Variants in TRAM2 observed in about 807,000 individuals in gnomAD.
The protein encoded by TRAM2 is translocating chain-associated membrane protein 2.
A neutral mutation model predicts 51.0 loss-of-function variants in TRAM2; 12 were observed. The ratio of observed to expected loss-of-function variants is 0.24; its 90% CI spans 0.15 to 0.38. The LOEUF (loss-of-function observed/expected upper bound fraction) is 0.38, where lower values mean the gene tolerates loss of function less well. Ranked by LOEUF, TRAM2 falls within the 10% of genes least tolerant of loss-of-function variation. The pLI is 1.00. For missense variants in TRAM2, 361 were observed against 462.0 expected, an observed-to-expected ratio of 0.78 and a Z score of 2.00; for synonymous variants, 175 against 179.4, an observed-to-expected ratio of 0.98 and a Z score of 0.20.
intron 1 of TRAM2, among the ~76,000 whole-genome samples, chr6:52,563,312 A>G (rs1767530063): frequency 6.6e-6 from 1 of 152,240 alleles, no homozygotes; most frequent in South Asian, 2.1e-4. Flanking sequence ...TTCATTTTGT[A>G]TAGGAAAGGA....
Position 52,501,287 on chromosome 6 carries a change from G to A in TRAM2, c.*1910C>T, listed in dbSNP as rs1051931972. The A allele has an allele frequency of 6.6e-6, 1 of 152,204 alleles. No individual in the cohort carries two copies. Among genetic ancestry groups the A allele is most frequent in the African/African-American group, 2.4e-5 (1 of 41,448 alleles). The allele number at this position is 152,204 out of a possible 1,614,324, so 9.4% of individuals were successfully genotyped here. A position where few individuals can be genotyped will look rare whatever the true frequency, so the allele number is the denominator to read the frequency against. On this transcript the variant is annotated 3_prime_UTR_variant, in exon 11 of 11. Coordinates refer to ENST00000182527, the MANE Select transcript of TRAM2 (RefSeq NM_012288.4). ...CATTTCTGCAACCTTATCGTAGAGA[G>A]GGATGAAGGCCTCCAATGGCGTTAG...
At chr6:52,548,764 T>C (rs773391297) in intron 1 of TRAM2, among the ~76,000 whole-genome samples, 1 of 152,234 alleles carries the variant, frequency 6.6e-6, no homozygotes, top group Non-Finnish European at 1.5e-5. Context: ...AAAGGGTTCA[T>C]TTTAAGACAA....
chr6:52,546,442 C>T (rs929355831), intron 1 of TRAM2, among the ~76,000 whole-genome samples: 5 of 152,008 alleles, frequency 3.3e-5, no homozygotes, highest in African/African-American at 7.3e-5. Flanking sequence ...GGGCTGGAGA[C>T]GGGAGGTGAG....
At chr6:52,529,314 G>C (rs1766842780) in intron 2 of TRAM2, among the ~76,000 whole-genome samples, 1 of 152,172 alleles carries the variant, frequency 6.6e-6, no homozygotes, top group African/African-American at 2.4e-5. Flanking sequence ...ACAAAAACTA[G>C]AAAAGGACAG....
intron 1 of TRAM2, among the ~76,000 whole-genome samples, chr6:52,543,552 G>T (rs1267612157): frequency 6.6e-6 from 1 of 152,154 alleles, no homozygotes; most frequent in Admixed American, 6.5e-5. Flanking sequence ...AAAAAGAAAG[G>T]ATTATGGAGT....
chr6:52,563,289 A>G (rs1767529772), intron 1 of TRAM2, among the ~76,000 whole-genome samples: 1 of 152,252 alleles, frequency 6.6e-6, no homozygotes, highest in African/African-American at 2.4e-5. Flanking sequence ...GTGCAAAAGT[A>G]TAAATAATAC....
chr6:52,521,353 G>T (rs538967448), intron 2 of TRAM2, among the ~76,000 whole-genome samples: 29 of 151,872 alleles, frequency 1.9e-4, no homozygotes, highest in Non-Finnish European at 3.4e-4. Context: ...TGATGTTTTT[G>T]ATTTTTTTTT....
intron 1 of TRAM2, among the ~76,000 whole-genome samples, chr6:52,538,057 A>T (rs924762084): frequency 1.3e-5 from 2 of 152,152 alleles, no homozygotes; most frequent in African/African-American, 4.8e-5. Flanking sequence ...CCAACCACCT[A>T]ACACTTCATA....
chr6:52,523,908 T>TA (rs1766723849), intron 2 of TRAM2: 1 of 152,274 alleles, frequency 6.6e-6, no homozygotes, highest in Non-Finnish European at 1.5e-5. Flanking sequence ...CCTGTGAGCT[T>TA]AAAAACACGC....
At chr6:52,505,171 A>G (rs1209142904) in intron 9 of TRAM2, among the ~76,000 whole-genome samples, 1 of 152,226 alleles carries the variant, frequency 6.6e-6, no homozygotes, top group Non-Finnish European at 1.5e-5. Context: ...TTAAAAGTGG[A>G]GCAACCCTGG....
chr6:52,572,814 T>A (rs1767702541), intron 1 of TRAM2, among the ~76,000 whole-genome samples: 1 of 152,118 alleles, frequency 6.6e-6, no homozygotes, highest in African/African-American at 2.4e-5. Context: ...CACAATGGGC[T>A]CCCATTGTAT....
chr6:52,572,272 A>G (rs1333480674), intron 1 of TRAM2, among the ~76,000 whole-genome samples: 1 of 152,236 alleles, frequency 6.6e-6, no homozygotes, highest in Admixed American at 6.5e-5. Flanking sequence ...AGGAACTAGA[A>G]AAGCTGGCAA....
intron 2 of TRAM2, chr6:52,523,210 A>G (rs752470860): frequency 9.3e-6 from 3 of 324,100 alleles, no homozygotes; most frequent in Non-Finnish European, 1.7e-5. Flanking sequence ...AATTTTTTAC[A>G]CTATATATAA....
At chr6:52,509,418 T>G in intron 5 of TRAM2, 110 bp downstream of exon 5, 1 of 1,014,094 alleles carries the variant, frequency 9.9e-7, no homozygotes, top group Non-Finnish European at 1.5e-6. Flanking sequence ...CAGGGCATGA[T>G]CTGCTCGTCA....
chr6:52,516,168 A>G (rs745896846), intron 3 of TRAM2, 46 bp from the exon 4 acceptor site: 1 of 1,557,900 alleles, frequency 6.4e-7, no homozygotes, highest in Non-Finnish European at 8.8e-7. Flanking sequence ...AAATGTATCC[A>G]TATTGGGCAG....
At chr6:52,539,395 A>C (rs570365656) in intron 1 of TRAM2, among the ~76,000 whole-genome samples, 1 of 152,316 alleles carries the variant, frequency 6.6e-6, no homozygotes, top group East Asian at 1.9e-4. Flanking sequence ...GTTACAAATA[A>C]ATCTCAGCAA....
rs771525047 is a variant in TRAM2, at chr6:52,499,046, G to A, written c.*4151C>T. 4 of 152,274 alleles carry A rather than the reference G, an allele frequency of 2.6e-5. No homozygotes were observed. The highest frequency in any genetic ancestry group is 5.9e-5 in the Non-Finnish European group (4 of 68,050). 9.4% of individuals were successfully genotyped at this position (152,274 alleles called of 1,614,324 possible). A position where few individuals can be genotyped will look rare whatever the true frequency, so the allele number is the denominator to read the frequency against. On this transcript the variant is annotated 3_prime_UTR_variant, in exon 11 of 11. Coordinates refer to ENST00000182527, the MANE Select transcript of TRAM2 (RefSeq NM_012288.4). ...AAAGAATGAGGCAGCTTTCACTGGGGAGAACTGGTCTTCAGCCTTTGCAAG... is the reference window on the plus strand; with the variant it reads ...AAAGAATGAGGCAGCTTTCACTGGGAAGAACTGGTCTTCAGCCTTTGCAAG...
chr6:52,554,413 G>A (rs1036661001), intron 1 of TRAM2, among the ~76,000 whole-genome samples: 33 of 151,086 alleles, frequency 2.2e-4, no homozygotes, highest in African/African-American at 7.3e-4. Context: ...CCAGCTACTC[G>A]GGTGGCTGAG....
chr6:52,544,566 C>T (rs2114093017), intron 1 of TRAM2, among the ~76,000 whole-genome samples: 1 of 152,322 alleles, frequency 6.6e-6, no homozygotes. Flanking sequence ...CTAACACACT[C>T]GGCACTGGCG....
Sources: allele counts gnomAD v4.1 joint callset (sites outside exome capture counted in the v4.1 genomes callset), GRCh38; gene constraint gnomAD v4.1.1; transcripts MANE v1.5; gene names NCBI Gene and HGNC (gene_info 2026-07-23, HGNC 2026-07-21).